Variants in ENTREP2 observed in about 807,000 individuals in gnomAD.
The protein encoded by ENTREP2 is endosomal transmembrane epsin interactor 2, also known as protein ENTREP2.
At chr15:29,405,116 T>C in the ENTREP2 span, among the ~76,000 whole-genome samples, 2 of 152,094 alleles carry the variant, frequency 1.3e-5, no homozygotes, top group Non-Finnish European at 2.9e-5. Context: ...TGGCTGGGCG[T>C]GGTGGCTCAC....
chr15:29,493,749 G>C, the ENTREP2 span, among the ~76,000 whole-genome samples: 2 of 152,114 alleles, frequency 1.3e-5, no homozygotes, highest in Non-Finnish European at 2.9e-5. Context: ...GCTGAGGTGG[G>C]CGAATCACCT....
the ENTREP2 span, among the ~76,000 whole-genome samples, chr15:29,231,890 C>CTTTTTT: frequency 6.6e-5 from 9 of 136,834 alleles, 1 homozygote; most frequent in African/African-American, 2.2e-4. Flanking sequence ...CTTTTCTTTT[C>CTTTTTT]TTTCTTTTTT....
At chr15:29,590,587 G>A in the ENTREP2 span, among the ~76,000 whole-genome samples, 11 of 150,282 alleles carry the variant, frequency 7.3e-5, no homozygotes, top group African/African-American at 2.2e-4. Flanking sequence ...AGGAGGCTGA[G>A]GCAGGAGAAT....
chr15:29,228,605 T>A, the ENTREP2 span, among the ~76,000 whole-genome samples: 1 of 152,192 alleles, frequency 6.6e-6, no homozygotes, highest in Non-Finnish European at 1.5e-5. Flanking sequence ...AACTTTATAC[T>A]GTGTATATTT....
chr15:29,394,745 C>A, the ENTREP2 span, among the ~76,000 whole-genome samples: 1 of 152,100 alleles, frequency 6.6e-6, no homozygotes, highest in African/African-American at 2.4e-5. Context: ...CCCTCCCCCA[C>A]TCTAGCCCCT....
the ENTREP2 span, among the ~76,000 whole-genome samples, chr15:29,164,154 T>A: frequency 3.9e-5 from 6 of 152,234 alleles, no homozygotes; most frequent in Non-Finnish European, 7.3e-5. Flanking sequence ...TTAAAAGAAC[T>A]GCTAAAAGGA....
the ENTREP2 span, among the ~76,000 whole-genome samples, chr15:29,169,818 G>T: frequency 6.6e-6 from 1 of 152,112 alleles, no homozygotes; most frequent in Non-Finnish European, 1.5e-5. Flanking sequence ...AGGAGATGGG[G>T]ATTGCTGCCA....
At chr15:29,298,289 C>T in the ENTREP2 span, among the ~76,000 whole-genome samples, 24,651 of 151,472 alleles carry the variant, frequency 0.16, 3,358 homozygotes, top group African/African-American at 0.38. Context: ...AGAAGTAAAG[C>T]TGAAAATTAA....
the ENTREP2 span, among the ~76,000 whole-genome samples, chr15:29,665,917 G>C: frequency 6.7e-4 from 100 of 148,520 alleles, no homozygotes; most frequent in African/African-American, 2.4e-3. Flanking sequence ...GCAGTGGTGC[G>C]ATCTTGGCTC....
the ENTREP2 span, among the ~76,000 whole-genome samples, chr15:29,257,929 T>C: frequency 6.6e-6 from 1 of 152,078 alleles, no homozygotes; most frequent in Non-Finnish European, 1.5e-5. Context: ...AGGGCCAACT[T>C]TGCTGGGCGC....
At chr15:29,657,159 TG>T in the ENTREP2 span, among the ~76,000 whole-genome samples, 6 of 151,936 alleles carry the variant, frequency 3.9e-5, no homozygotes, top group Non-Finnish European at 7.4e-5. Context: ...GCCATTCTCC[TG>T]CCTCCTCCTC....
chr15:29,305,893 G>C, the ENTREP2 span, among the ~76,000 whole-genome samples: 19,243 of 152,180 alleles, frequency 0.13, 1,620 homozygotes, highest in African/African-American at 0.25. Context: ...GGAAGACTCG[G>C]GGCTTCGTGC....
chr15:29,463,179 G>C, the ENTREP2 span, among the ~76,000 whole-genome samples: 2 of 152,150 alleles, frequency 1.3e-5, no homozygotes, highest in East Asian at 1.9e-4. Context: ...GGAGCCACTG[G>C]GGCCCCAGGA....
the ENTREP2 span, among the ~76,000 whole-genome samples, chr15:29,472,610 T>TC: frequency 1.3e-5 from 2 of 151,558 alleles, no homozygotes; most frequent in South Asian, 4.2e-4. Flanking sequence ...GATTACAGGC[T>TC]CCCCCCACCA....
At chr15:29,648,817 T>C in the ENTREP2 span, among the ~76,000 whole-genome samples, 4 of 152,086 alleles carry the variant, frequency 2.6e-5, no homozygotes, top group Non-Finnish European at 4.4e-5. Context: ...CATGTGCCTG[T>C]CATCCCAGCT....
At chr15:29,395,581 G>T in the ENTREP2 span, among the ~76,000 whole-genome samples, 1 of 149,642 alleles carries the variant, frequency 6.7e-6, no homozygotes. Context: ...AGGCTGGAGT[G>T]CAGTGACGTG....
At chr15:29,466,409 A>G in the ENTREP2 span, among the ~76,000 whole-genome samples, 4 of 152,040 alleles carry the variant, frequency 2.6e-5, no homozygotes, top group Admixed American at 2.6e-4. Flanking sequence ...AGGACGCTGC[A>G]GCCCCCAGGG....
At chr15:29,218,850 A>G in the ENTREP2 span, among the ~76,000 whole-genome samples, 1 of 152,222 alleles carries the variant, frequency 6.6e-6, no homozygotes, top group Non-Finnish European at 1.5e-5. Context: ...TAAGACCTGA[A>G]ACTATAAAAA....
the ENTREP2 span, among the ~76,000 whole-genome samples, chr15:29,366,824 A>G: frequency 6.6e-6 from 1 of 152,360 alleles, no homozygotes; most frequent in Non-Finnish European, 1.5e-5. Flanking sequence ...AAACACTCCA[A>G]GATGATTAAG....
Sources: gnomAD v4.1 joint callset for allele counts (sites outside exome capture counted in the v4.1 genomes callset) on GRCh38, gnomAD v4.1.1 for gene constraint, MANE v1.5 for transcripts, NCBI Gene and HGNC (gene_info 2026-07-23, HGNC 2026-07-21) for gene names.